Variants in MORC3 observed in about 807,000 individuals in gnomAD.
MORC3 encodes the protein MORC family CW-type zinc finger protein 3.
In MORC3, 31 loss-of-function variants were observed where a neutral mutation model predicts 109.1. That is an observed-to-expected ratio of 0.28 (90% CI 0.21 to 0.38). MORC3 has a LOEUF of 0.38. MORC3 is among the 10% of genes least tolerant of loss of function. The pLI is 1.00. For synonymous variants in MORC3, 395 were observed against 380.7 expected, an observed-to-expected ratio of 1.04 and a Z score of -0.44; for missense variants, 867 against 1,135.8, an observed-to-expected ratio of 0.76 and a Z score of 3.40.
intron 1 of MORC3, among the ~76,000 whole-genome samples, chr21:36,327,166 T>TA (rs1569087040): frequency 7.3e-6 from 1 of 137,384 alleles, no homozygotes; most frequent in Non-Finnish European, 1.5e-5. Flanking sequence ...TTTTTTTTTT[T>TA]TTTTTTTTTT....
chr21:36,324,528 C>T (rs887521329), intron 1 of MORC3, among the ~76,000 whole-genome samples: 14 of 148,722 alleles, frequency 9.4e-5, no homozygotes, highest in East Asian at 2.1e-4. Flanking sequence ...CTGCCTGCCT[C>T]GGCCTCCCAA....
chr21:36,349,023 G>A (rs13052979), intron 8 of MORC3, among the ~76,000 whole-genome samples: 23,220 of 151,726 alleles, frequency 0.15, 2,787 homozygotes, highest in East Asian at 0.39. Context: ...TTGGTGGTGC[G>A]CGCCTGTACT....
In MORC3 at chr21:36,358,605, A is replaced by G. The variant is rs567370043; in HGVS notation, c.1209-1350A>G. On this transcript the variant is annotated intron_variant, in intron 10 of 16. Coordinates refer to ENST00000400485, the MANE Select transcript of MORC3 (RefSeq NM_015358.3). ...ACCTATCTCTTAAAAAAATAAATAA[A>G]TAAAGTAGAAGCAAAAAATAATTAA... Among the ~76,000 whole-genome samples, 324 of 152,256 alleles carry G rather than the reference A, an allele frequency of 2.1e-3. 1 individual carries two copies. Among genetic ancestry groups the G allele is most frequent in the African/African-American group, 7.2e-3 (298 of 41,564 alleles).
chr21:36,358,881 G>A (rs1053873600), intron 10 of MORC3, among the ~76,000 whole-genome samples: 7 of 152,042 alleles, frequency 4.6e-5, no homozygotes, highest in African/African-American at 1.7e-4. Context: ...GGGTTTCACC[G>A]TGTTAGCCAG....
intron 9 of MORC3, among the ~76,000 whole-genome samples, chr21:36,355,792 GAAA>G: frequency 7.3e-6 from 1 of 136,712 alleles, no homozygotes; most frequent in East Asian, 2.1e-4. Context: ...TACAAAAAAT[GAAA>G]AAAAAAAAAA....
rs1437243799 is a variant in MORC3, at chr21:36,336,962, C to T, written c.201C>T (p.Asp67=). ...ACCATATATGCTTGACATTCACCGA[C>T]AATGGGAATGGTATGACTTCTGATA... ...INDHICLTFT[D]NGNGMTSDKL... Residue 67 remains aspartate (D), a synonymous_variant, in exon 3 of 17, where the codon GAC becomes GAT. Transcript: ENST00000400485. 2.5e-6 allele frequency: 4 copies of T among 1,611,946 alleles called. No homozygotes were observed. Among genetic ancestry groups the T allele is most frequent in the Non-Finnish European group, 3.4e-6 (4 of 1,178,934 alleles).
In MORC3 at chr21:36,353,755, A is replaced by ATTTTTTTTTTTTTT. The variant is rs1202729285; in HGVS notation, c.1104-2856_1104-2843dup. On this transcript the variant is annotated intron_variant, in intron 9 of 16. Coordinates refer to ENST00000400485, the MANE Select transcript of MORC3 (RefSeq NM_015358.3). ...GCCACCAAGCCCGGCTAATTTTTGTATTTTTTTTTTTTTTTTTTTTTTAGT... is the reference window on the plus strand; with the variant it reads ...GCCACCAAGCCCGGCTAATTTTTGTATTTTTTTTTTTTTTTTTTTTTTTTTTTTTTTTTTTTAGT... Among the ~76,000 whole-genome samples the ATTTTTTTTTTTTTT allele has an allele frequency of 1.8e-3, 125 of 70,994 alleles. 13 individuals carry two copies. Among genetic ancestry groups the ATTTTTTTTTTTTTT allele is most frequent in the Non-Finnish European group, 2.2e-3 (97 of 43,174 alleles). 46.6% of individuals were successfully genotyped at this position (70,994 alleles called of 152,430 possible). A position where few individuals can be genotyped will look rare whatever the true frequency, so the allele number is the denominator to read the frequency against.
chr21:36,335,018 G>T (rs117790464), intron 2 of MORC3, among the ~76,000 whole-genome samples: 3,768 of 152,090 alleles, frequency 0.025, 66 homozygotes, highest in Admixed American at 0.046. Context: ...TAGTCCTAGT[G>T]ACTCGGGAGT....
At chr21:36,343,285 A>G (rs1181493473) in intron 6 of MORC3, among the ~76,000 whole-genome samples, 1 of 151,460 alleles carries the variant, frequency 6.6e-6, no homozygotes, top group Non-Finnish European at 1.5e-5. Context: ...AGTAGAGACA[A>G]GGTTTCACCA....
chr21:36,354,070 C>CAAAAAAAA (rs578005759), intron 9 of MORC3, among the ~76,000 whole-genome samples: 1 of 146,430 alleles, frequency 6.8e-6, no homozygotes, highest in Non-Finnish European at 1.5e-5. Context: ...GACCCTGTCT[C>CAAAAAAAA]AAAAAAAAAG....
At chr21:36,338,504 G>A (rs185480707) in intron 4 of MORC3, among the ~76,000 whole-genome samples, 70 of 152,076 alleles carry the variant, frequency 4.6e-4, no homozygotes, top group African/African-American at 1.5e-3. Flanking sequence ...CCCAAGCAAC[G>A]TAGGGAGACC....
chr21:36,326,121 C>T (rs1352872485), intron 1 of MORC3, among the ~76,000 whole-genome samples: 8 of 151,972 alleles, frequency 5.3e-5, no homozygotes, highest in Admixed American at 4.6e-4. Context: ...GCGGGAGAAT[C>T]GCTTGAACCC....
In MORC3 at chr21:36,370,998, T is replaced by C. The variant is rs548425421; in HGVS notation, c.2508+1122T>C. 1.6e-3 allele frequency among the ~76,000 whole-genome samples: 249 copies of C among 152,216 alleles called. 4 individuals carry two copies. Among genetic ancestry groups the C allele is most frequent in the South Asian group, 0.016 (76 of 4,822 alleles). ...TTGCTTGTGTTCTGACTATCAGAACTGAGTCATCTGGCTAAAGGGTGCCTG... is the reference window on the plus strand; with the variant it reads ...TTGCTTGTGTTCTGACTATCAGAACCGAGTCATCTGGCTAAAGGGTGCCTG... On this transcript the variant is annotated intron_variant, in intron 15 of 16. Coordinates refer to ENST00000400485, the MANE Select transcript of MORC3 (RefSeq NM_015358.3).
chr21:36,343,449 CTTTT>C (rs147660327), intron 6 of MORC3, among the ~76,000 whole-genome samples: 19 of 126,110 alleles, frequency 1.5e-4, no homozygotes, highest in Admixed American at 2.4e-4. Context: ...TTTTTGCTTT[CTTTT>C]TTTTTTTTTT....
intron 14 of MORC3, among the ~76,000 whole-genome samples, chr21:36,364,773 C>T (rs887389139): frequency 1.4e-4 from 21 of 151,818 alleles, no homozygotes; most frequent in Admixed American, 7.2e-4. Flanking sequence ...TGAAGCAGCC[C>T]GGGCGCGGTG....
chr21:36,324,736 T>C (rs1275221636), intron 1 of MORC3, among the ~76,000 whole-genome samples: 1 of 147,644 alleles, frequency 6.8e-6, no homozygotes, highest in Non-Finnish European at 1.5e-5. Context: ...GCCGGGAGTT[T>C]CACTCTTGTT....
Position 36,353,755 on chromosome 21 carries a change from A to ATTTTTTTTTTTTTTTTTTTTTTTTTTT in MORC3, c.1104-2843_1104-2842insTTTTTTTTTTTTTTTTTTTTTTTTTTT, listed in dbSNP as rs1202729285. ...GCCACCAAGCCCGGCTAATTTTTGT[A>ATTTTTTTTTTTTTTTTTTTTTTTTTTT]TTTTTTTTTTTTTTTTTTTTTTAGT... On this transcript the variant is annotated intron_variant, in intron 9 of 16. Coordinates refer to ENST00000400485, the MANE Select transcript of MORC3 (RefSeq NM_015358.3). 2.8e-5 allele frequency among the ~76,000 whole-genome samples: 2 copies of ATTTTTTTTTTTTTTTTTTTTTTTTTTT among 71,006 alleles called. 1 individual carries two copies. Among genetic ancestry groups the ATTTTTTTTTTTTTTTTTTTTTTTTTTT allele is most frequent in the African/African-American group, 1.3e-4 (2 of 14,934 alleles). The allele number at this position is 71,006 out of a possible 152,430, so 46.6% of individuals were successfully genotyped here. A position where few individuals can be genotyped will look rare whatever the true frequency, so the allele number is the denominator to read the frequency against.
Position 36,336,282 on chromosome 21 carries a change from G to T in MORC3, c.113-592G>T, listed in dbSNP as rs901425039. Among the ~76,000 whole-genome samples, 5 of 151,570 alleles carry T rather than the reference G, an allele frequency of 3.3e-5. No individual in the cohort carries two copies. The South Asian group carries it at 6.2e-4, about 19-fold the overall frequency. On this transcript the variant is annotated intron_variant, in intron 2 of 16. Coordinates refer to ENST00000400485, the MANE Select transcript of MORC3 (RefSeq NM_015358.3). ...TTTGGAGACAGAGTCTTGCTGTGTT[G>T]CCCAGGCTAGAGTGCAGTGGCACGA...
intron 8 of MORC3, among the ~76,000 whole-genome samples, chr21:36,345,697 A>G (rs2085499921): frequency 1.3e-5 from 2 of 151,938 alleles, no homozygotes; most frequent in African/African-American, 2.4e-5. Context: ...TGGGATTACA[A>G]GCGTGTGCCA....
Sources: allele counts gnomAD v4.1 joint callset (sites outside exome capture counted in the v4.1 genomes callset), GRCh38; gene constraint gnomAD v4.1.1; transcripts MANE v1.5; gene names NCBI Gene and HGNC (gene_info 2026-07-23, HGNC 2026-07-21).